PPP2R2C: variants seen among roughly 807,000 people sequenced by gnomAD.
The protein encoded by PPP2R2C is protein phosphatase 2, regulatory subunit B, gamma.
Under a neutral mutation model 45.3 loss-of-function variants are expected in PPP2R2C, and 10 were observed. The ratio of observed to expected loss-of-function variants is 0.22; its 90% confidence interval spans 0.14 to 0.37. The LOEUF (loss-of-function observed/expected upper bound fraction) is 0.37. Ranked by LOEUF, PPP2R2C falls within the 10% of genes least tolerant of loss-of-function variation. The probability of loss-of-function intolerance (pLI) is 1.00; values close to 1 mark genes in which losing one functional copy is unlikely to be tolerated. For missense variants in PPP2R2C, 308 were observed against 619.7 expected (o/e 0.50, Z 5.34); for synonymous variants, 257 against 245.4 (o/e 1.05, Z -0.44).
chr4:6,426,360 T>C lies in PPP2R2C; in HGVS notation c.71-45266A>G, dbSNP rs532252245. Among the ~76,000 whole-genome samples the C allele has an allele frequency of 2.0e-5, 3 of 152,302 alleles. No homozygotes were observed. In the South Asian group the frequency reaches 6.2e-4, roughly 32 times the overall value. On this transcript the variant is annotated intron_variant, in intron 1 of 8. Coordinates refer to ENST00000382599, the MANE Select transcript of PPP2R2C (RefSeq NM_020416.4). ...ATTCTTCCATTGCTGCCTGTGTTTG[T>C]TCCACGAGCACTTCCTGCAGCCTAC...
intron 5 of PPP2R2C, among the ~76,000 whole-genome samples, chr4:6,361,731 C>T (rs1713752617): frequency 6.6e-6 from 1 of 152,196 alleles, no homozygotes; most frequent in Non-Finnish European, 1.5e-5. Flanking sequence ...TTTCCAAGAA[C>T]TGAGAGGGGG....
intron 2 of PPP2R2C, among the ~76,000 whole-genome samples, chr4:6,509,482 A>AAAAAT (rs1553905295): frequency 6.6e-6 from 1 of 152,284 alleles, no homozygotes; most frequent in Non-Finnish European, 1.5e-5. Context: ...TGGCAAAAAA[A>AAAAAT]AAATAAATAA....
At chr4:6,362,196 A>G (rs1452248897) in intron 5 of PPP2R2C, among the ~76,000 whole-genome samples, 1 of 151,944 alleles carries the variant, frequency 6.6e-6, no homozygotes, top group Admixed American at 6.6e-5. Context: ...GTCCAAAAGG[A>G]GAGGAGTTCT....
intron 1 of PPP2R2C, among the ~76,000 whole-genome samples, chr4:6,396,084 G>A (rs879397260): frequency 9.9e-5 from 15 of 152,182 alleles, no homozygotes; most frequent in Admixed American, 5.2e-4. Flanking sequence ...GAACCCTCGC[G>A]GCAGCCCTGG....
chr4:6,326,439 C>G (rs1271904980), intron 8 of PPP2R2C, among the ~76,000 whole-genome samples: 1 of 152,162 alleles, frequency 6.6e-6, no homozygotes, highest in Non-Finnish European at 1.5e-5. Flanking sequence ...TCTCTCCCCC[C>G]AGGCAGGACA....
chr4:6,543,049 C>T (rs879282339), intron 1 of PPP2R2C, among the ~76,000 whole-genome samples: 25 of 149,726 alleles, frequency 1.7e-4, no homozygotes, highest in Non-Finnish European at 3.2e-4. Flanking sequence ...GCCACCCAGA[C>T]GCCCCGCAAG....
At chr4:6,409,138 C>T (rs1717993343) in intron 1 of PPP2R2C, among the ~76,000 whole-genome samples, 1 of 152,078 alleles carries the variant, frequency 6.6e-6, no homozygotes, top group Admixed American at 6.5e-5. Context: ...CCATTGGGTC[C>T]ATTTTATTAC....
At chr4:6,464,922 A>C (rs1168839218) in intron 1 of PPP2R2C, among the ~76,000 whole-genome samples, 1 of 67,372 alleles carries the variant, frequency 1.5e-5, no homozygotes, top group African/African-American at 5.6e-5. Flanking sequence ...GGAGGAAGGG[A>C]GGGAGGGAGG....
At chr4:6,472,009 A>ATGGGGTGGGGTGGGGTGGGATGGGG (rs1463928138) in intron 1 of PPP2R2C, 151 bp downstream of exon 1, 17 of 737,486 alleles carry the variant, frequency 2.3e-5, no homozygotes, top group Admixed American at 9.8e-5. Flanking sequence ...GTGGGATGGG[A>ATGGGGTGGGGTGGGGTGGGATGGGG]TGGGGTGGGG....
At chr4:6,518,561 T>C (rs755229477) in intron 2 of PPP2R2C, among the ~76,000 whole-genome samples, 60 of 152,252 alleles carry the variant, frequency 3.9e-4, no homozygotes, top group Non-Finnish European at 7.1e-4. Flanking sequence ...AAATGCCAAT[T>C]CCTTAAATGA....
At chr4:6,515,370 T>C (rs1723797228) in intron 2 of PPP2R2C, among the ~76,000 whole-genome samples, 1 of 152,226 alleles carries the variant, frequency 6.6e-6, no homozygotes, top group African/African-American at 2.4e-5. Context: ...GCACCTACTC[T>C]GTGCCAGGCC....
intron 1 of PPP2R2C, among the ~76,000 whole-genome samples, chr4:6,390,382 T>C (rs1716526389): frequency 6.6e-6 from 1 of 152,132 alleles, no homozygotes; most frequent in Admixed American, 6.5e-5. Context: ...CTGACAGCTG[T>C]GAGCAGCTGT....
chr4:6,372,187 C>G (rs1714884836), intron 5 of PPP2R2C, among the ~76,000 whole-genome samples: 1 of 152,236 alleles, frequency 6.6e-6, no homozygotes, highest in Non-Finnish European at 1.5e-5. Flanking sequence ...GGACGCTGAG[C>G]AAGGCCAGCA....
At chr4:6,465,507 C>G (rs76569428) in intron 1 of PPP2R2C, among the ~76,000 whole-genome samples, 1 of 152,116 alleles carries the variant, frequency 6.6e-6, no homozygotes, top group Non-Finnish European at 1.5e-5. Flanking sequence ...CCCTATAATT[C>G]GTGGGGCACA....
intron 6 of PPP2R2C, among the ~76,000 whole-genome samples, chr4:6,344,974 GT>G (rs1560462721): frequency 6.6e-6 from 1 of 152,126 alleles, no homozygotes; most frequent in African/African-American, 2.4e-5. Flanking sequence ...TTGCACACAA[GT>G]TTTCCTAATA....
At chr4:6,402,153 C>T (rs369834860) in intron 1 of PPP2R2C, among the ~76,000 whole-genome samples, 1 of 152,146 alleles carries the variant, frequency 6.6e-6, no homozygotes, top group Admixed American at 6.5e-5. Flanking sequence ...TCCACCTGGA[C>T]GACTGTGATC....
At chr4:6,436,030 G>C (rs1719876118) in intron 1 of PPP2R2C, among the ~76,000 whole-genome samples, 1 of 152,148 alleles carries the variant, frequency 6.6e-6, no homozygotes, top group African/African-American at 2.4e-5. Context: ...AATGGGATTA[G>C]TACCCTTATA....
At chr4:6,503,809 C>A (rs28445758) in intron 2 of PPP2R2C, among the ~76,000 whole-genome samples, 3,587 of 130,228 alleles carry the variant, frequency 0.028, 123 homozygotes, top group African/African-American at 0.095. Context: ...AAAAAAAAAA[C>A]AAAAACTGAG....
intron 1 of PPP2R2C, among the ~76,000 whole-genome samples, chr4:6,543,093 C>T (rs1010560891): frequency 6.6e-6 from 1 of 152,188 alleles, no homozygotes; most frequent in African/African-American, 2.4e-5. Flanking sequence ...GGGGTGCTGT[C>T]AGGAGACACC....
Sources: gnomAD v4.1 joint callset for allele counts (sites outside exome capture counted in the v4.1 genomes callset) on GRCh38, gnomAD v4.1.1 for gene constraint, MANE v1.5 for transcripts, NCBI Gene and HGNC (gene_info 2026-07-23, HGNC 2026-07-21) for gene names.